The following SLC25A29 variants were observed in gnomAD, a reference collection of about 807,000 sequenced individuals.
SLC25A29 encodes the protein mitochondrial basic amino acids transporter.
SLC25A29 carries 13 observed loss-of-function variants against 10.0 expected under a neutral mutation model. The observed-to-expected ratio is 1.30, with a 90% CI of 0.85 to 2.07. The LOEUF is 2.07. Among genes scored for constraint, SLC25A29 ranks in the 30% most tolerant of loss-of-function variants. The pLI, the probability that SLC25A29 is intolerant of heterozygous loss-of-function variation, is 0.00. For missense variants in SLC25A29, 475 were observed against 447.6 expected (o/e 1.06, Z -0.55); for synonymous variants, 244 against 221.1 (o/e 1.10, Z -0.92).
At chr14:100,290,773 T>C (rs894203407), downstream of SLC25A29, among the ~76,000 whole-genome samples, 6 of 152,132 alleles carry the variant, frequency 3.9e-5, no homozygotes, top group Non-Finnish European at 7.4e-5. Flanking sequence ...CACTCAGACC[T>C]CCCCTCTTCC....
chr14:100,293,233 C>A (rs1891892878), intron 3 of SLC25A29, 61 bp downstream of exon 3: 2 of 1,569,984 alleles, frequency 1.3e-6, no homozygotes, highest in Admixed American at 3.5e-5. Context: ...GGGGTGGTGG[C>A]AGCCCGGAAG....
intron 2 of SLC25A29, chr14:100,298,625 G>A (rs1254819062): frequency 2.6e-5 from 16 of 620,408 alleles, no homozygotes; most frequent in Non-Finnish European, 4.3e-5. Context: ...GTTCCAGCTG[G>A]CCAAGCCCAG....
At chr14:100,289,025 CAGG>C (rs552399785), downstream of SLC25A29, among the ~76,000 whole-genome samples, 188 of 152,316 alleles carry the variant, frequency 1.2e-3, no homozygotes, top group African/African-American at 4.0e-3. Context: ...CACAGACACA[CAGG>C]AGAAGGCGGC....
the SLC25A29 span, chr14:100,279,434 G>A: frequency 3.3e-5 from 5 of 152,366 alleles, 1 homozygote; most frequent in South Asian, 1.0e-3. Flanking sequence ...AGTGCCTTTT[G>A]TGAATCATGA....
the SLC25A29 span, among the ~76,000 whole-genome samples, chr14:100,284,473 G>A: frequency 6.6e-6 from 1 of 152,136 alleles, no homozygotes; most frequent in Non-Finnish European, 1.5e-5. Context: ...GAACTGCAGC[G>A]GTTCCCTACT....
Position 100,292,208 on chromosome 14 carries a change from G to C in SLC25A29, c.*75C>G, listed in dbSNP as rs1029471672. On this transcript the variant is annotated 3_prime_UTR_variant, in exon 4 of 4. Coordinates refer to ENST00000359232, the MANE Select transcript of SLC25A29 (RefSeq NM_001039355.3). ...CTCGCAGCATCCCAGCAGGAAGCAG[G>C]GCAATCGACTCAGGGGCCAATTTAT... is the stretch of plus-strand genomic sequence containing the variant. 6.7e-7 allele frequency: 1 copy of C among 1,503,600 alleles called. No homozygotes were observed. The highest frequency in any genetic ancestry group is 1.4e-5 in the African/African-American group (1 of 71,860). The allele number at this position is 1,503,600 out of a possible 1,614,324, so 93.1% of individuals were successfully genotyped here.
intron 1 of SLC25A29, among the ~76,000 whole-genome samples, chr14:100,303,993 G>A (rs1199791773): frequency 6.6e-6 from 1 of 152,176 alleles, no homozygotes; most frequent in African/African-American, 2.4e-5. Context: ...GGGGAGAGGG[G>A]GAGGCATTCC....
downstream of SLC25A29, among the ~76,000 whole-genome samples, chr14:100,288,573 G>C (rs1891591911): frequency 6.6e-6 from 1 of 150,920 alleles, no homozygotes; most frequent in African/African-American, 2.4e-5. Context: ...TCCAGGCCCT[G>C]CCTCACCCCC....
intron 1 of SLC25A29, among the ~76,000 whole-genome samples, chr14:100,301,868 CA>C (rs1892577119): frequency 6.6e-6 from 1 of 152,072 alleles, no homozygotes; most frequent in East Asian, 1.9e-4. Context: ...CCGCCTCCCC[CA>C]CGACTCTCTG....
chr14:100,285,571 CG>C, the SLC25A29 span, among the ~76,000 whole-genome samples: 4 of 152,050 alleles, frequency 2.6e-5, no homozygotes, highest in African/African-American at 9.7e-5. Flanking sequence ...CCCCGCGAGC[CG>C]CCGCCGCTTA....
chr14:100,279,830 A>G, the SLC25A29 span: 1 of 152,308 alleles, frequency 6.6e-6, no homozygotes, highest in Non-Finnish European at 1.5e-5. Flanking sequence ...GGCCCACCGC[A>G]GAGCACACCT....
intron 1 of SLC25A29, among the ~76,000 whole-genome samples, chr14:100,300,815 CTTTAT>C (rs1442330886): frequency 1.3e-5 from 2 of 152,182 alleles, no homozygotes; most frequent in African/African-American, 2.4e-5. Context: ...TTTTATGCCA[CTTTAT>C]TTTATGTAAA....
At chr14:100,286,908 G>A (rs1051972078), downstream of SLC25A29, among the ~76,000 whole-genome samples, 3 of 152,210 alleles carry the variant, frequency 2.0e-5, no homozygotes, top group Non-Finnish European at 4.4e-5. Context: ...GCTGGCTTCA[G>A]CACCAACTAG....
In SLC25A29 at chr14:100,298,595, G is replaced by C. The variant is rs1019309585; in HGVS notation, c.78+247C>G. On this transcript the variant is annotated intron_variant, in intron 2 of 3. Transcript: ENST00000359232. ...ATGTGGGTGCCCTTGCTCTGGGTGG[G>C]AGAAAACCTCAGCACCTCGGTTCCA... 4 of 583,096 alleles carry C rather than the reference G, an allele frequency of 6.9e-6. No homozygotes were observed. The African/African-American group carries it at 7.5e-5, about 11-fold the overall frequency. The allele number at this position is 583,096 out of a possible 1,614,324, so 36.1% of individuals were successfully genotyped here. A position where few individuals can be genotyped will look rare whatever the true frequency, so the allele number is the denominator to read the frequency against.
chr14:100,296,726 G>C (rs933131993), intron 2 of SLC25A29, among the ~76,000 whole-genome samples: 1 of 151,884 alleles, frequency 6.6e-6, no homozygotes. Flanking sequence ...AGCCTCCCGA[G>C]TAGCTGGGAC....
downstream of SLC25A29, among the ~76,000 whole-genome samples, chr14:100,288,625 C>T (rs1273108404): frequency 1.5e-5 from 2 of 129,278 alleles, no homozygotes; most frequent in African/African-American, 5.7e-5. Context: ...GGGACCTTGG[C>T]TACATCTGCC....
At chr14:100,290,607 TGAACA>T (rs1891640686), downstream of SLC25A29, among the ~76,000 whole-genome samples, 1 of 152,178 alleles carries the variant, frequency 6.6e-6, no homozygotes, top group African/African-American at 2.4e-5. Context: ...TCCAGGAGGC[TGAACA>T]GAACTGCAGG....
At chr14:100,279,663 C>CA in the SLC25A29 span, 1 of 152,312 alleles carries the variant, frequency 6.6e-6, no homozygotes, top group Non-Finnish European at 1.5e-5. Context: ...TGGACCTGGG[C>CA]AGCGTCTTCT....
the SLC25A29 span, among the ~76,000 whole-genome samples, chr14:100,283,824 G>GT: frequency 6.6e-6 from 1 of 152,088 alleles, no homozygotes. Flanking sequence ...GATGAAACCA[G>GT]TATCTCTCCT....
Sources: gnomAD v4.1 joint callset for allele counts (sites outside exome capture counted in the v4.1 genomes callset) on GRCh38, gnomAD v4.1.1 for gene constraint, MANE v1.5 for transcripts, NCBI Gene and HGNC (gene_info 2026-07-23, HGNC 2026-07-21) for gene names.